The following ATXN7 variants were observed in gnomAD, a reference collection of about 807,000 sequenced individuals.
ATXN7 encodes the protein ataxin-7.
A neutral mutation model predicts 70.5 loss-of-function variants in ATXN7; 12 were observed. That is an observed-to-expected ratio of 0.17 (90% CI 0.11 to 0.28). ATXN7 has a LOEUF of 0.28. Among genes scored for constraint, ATXN7 ranks in the 10% least tolerant of loss-of-function variants. The probability of loss-of-function intolerance (pLI) is 1.00; values close to 1 mark genes in which losing one functional copy is unlikely to be tolerated. For synonymous variants in ATXN7, 498 were observed against 448.7 expected (o/e 1.11, Z -1.39); for missense variants, 1,256 against 1,131.7 (o/e 1.11, Z -1.58).
At chr3:63,960,242 A>G (rs780908224) in intron 5 of ATXN7, among the ~76,000 whole-genome samples, 1 of 152,194 alleles carries the variant, frequency 6.6e-6, no homozygotes, top group Non-Finnish European at 1.5e-5. Flanking sequence ...GTCTTGGCAG[A>G]AAGGCCAGTG....
At chr3:63,967,976 G>A (rs1478340566) in intron 5 of ATXN7, 1 of 1,535,344 alleles carries the variant, frequency 6.5e-7, no homozygotes, top group Non-Finnish European at 8.7e-7. Context: ...GCTCCACTGG[G>A]TAAGTTTTCT....
chr3:63,978,371 G>A (rs1040678125), intron 5 of ATXN7, among the ~76,000 whole-genome samples: 5 of 152,184 alleles, frequency 3.3e-5, no homozygotes, highest in African/African-American at 1.2e-4. Context: ...TACAGAGAAA[G>A]ACAATGGAGA....
At position 63,912,857 on chromosome 3, in the gene ATXN7, C is replaced by A; in HGVS notation, c.259C>A (p.Pro87Thr). ...CGGGGAGCGCAGGCCTCTGCCCAGT[C>A]CTGAAGTGATGCTGGGACAGTCGTG... is the stretch of plus-strand genomic sequence containing the variant. Reference protein sequence around the residue: ...TVGERRPLPSPEVMLGQSWNL... With the variant: ...TVGERRPLPSTEVMLGQSWNL... Residue 87 changes from proline (P) to threonine (T), a missense_variant, in exon 3 of 13, where the codon CCT becomes ACT. Transcript: ENST00000674280. 1.2e-6 allele frequency: 2 copies of A among 1,613,268 alleles called. No homozygotes were observed. Among genetic ancestry groups the A allele is most frequent in the Non-Finnish European group, 8.5e-7 (1 of 1,179,700 alleles).
At chr3:63,922,553 C>T (rs999952944) in intron 4 of ATXN7, among the ~76,000 whole-genome samples, 1 of 151,970 alleles carries the variant, frequency 6.6e-6, no homozygotes, top group Non-Finnish European at 1.5e-5. Flanking sequence ...TTTCAAACCC[C>T]CTTTTTTCTG....
chr3:63,872,511 C>T (rs867838016), intron 1 of ATXN7, among the ~76,000 whole-genome samples: 5 of 152,218 alleles, frequency 3.3e-5, no homozygotes, highest in Middle Eastern at 3.4e-3. Context: ...CACTTTGTTC[C>T]AGGAGGGTGA....
chr3:63,947,702 C>T (rs184184969), intron 4 of ATXN7, among the ~76,000 whole-genome samples: 68 of 152,308 alleles, frequency 4.5e-4, no homozygotes, highest in Non-Finnish European at 2.9e-4. Context: ...AGCCACTCTG[C>T]TTAAAATGCC....
intron 5 of ATXN7, among the ~76,000 whole-genome samples, chr3:63,956,699 A>G (rs1240352773): frequency 6.6e-6 from 1 of 152,038 alleles, no homozygotes; most frequent in East Asian, 1.9e-4. Context: ...GATACAGTCC[A>G]CTCTGGTGGA....
chr3:63,869,569 C>T (rs1232183919), intron 1 of ATXN7, among the ~76,000 whole-genome samples: 1 of 152,098 alleles, frequency 6.6e-6, no homozygotes, highest in Non-Finnish European at 1.5e-5. Flanking sequence ...GGATTACAGG[C>T]ATGTGCCACT....
At chr3:63,980,730 C>T (rs1350574264) in intron 6 of ATXN7, 2 of 154,170 alleles carry the variant, frequency 1.3e-5, no homozygotes, top group Non-Finnish European at 2.9e-5. Context: ...TGGATACTGG[C>T]ACTCCTGCTA....
At chr3:63,998,059 T>G in intron 12 of ATXN7, 1 of 985,344 alleles carries the variant, frequency 1.0e-6, no homozygotes, top group Non-Finnish European at 1.2e-6. Flanking sequence ...CAACGCACCG[T>G]CTTTGAGAGA....
intron 4 of ATXN7, among the ~76,000 whole-genome samples, chr3:63,927,171 A>G (rs1704751448): frequency 6.6e-6 from 1 of 152,184 alleles, no homozygotes; most frequent in Non-Finnish European, 1.5e-5. Context: ...TACTTTGGGT[A>G]TATACCTAGT....
intron 4 of ATXN7, among the ~76,000 whole-genome samples, chr3:63,928,967 T>A (rs1284608906): frequency 6.6e-6 from 1 of 152,156 alleles, no homozygotes; most frequent in Non-Finnish European, 1.5e-5. Flanking sequence ...CTAAAACCTT[T>A]GCGAGGCTTG....
chr3:63,876,890 G>A (rs1702761732), intron 1 of ATXN7, among the ~76,000 whole-genome samples: 2 of 152,194 alleles, frequency 1.3e-5, no homozygotes, highest in Non-Finnish European at 2.9e-5. Flanking sequence ...TTCTTACAGA[G>A]AGAAATAGTT....
At chr3:63,865,377 C>T (rs1371677153) in intron 1 of ATXN7, 1 of 152,136 alleles carries the variant, frequency 6.6e-6, no homozygotes, top group African/African-American at 2.4e-5. Context: ...CTTGCTCTCC[C>T]CTAAGGTATG....
At chr3:63,979,239 G>T (rs982918461) in intron 5 of ATXN7, among the ~76,000 whole-genome samples, 2 of 152,030 alleles carry the variant, frequency 1.3e-5, no homozygotes, top group Non-Finnish European at 2.9e-5. Context: ...GCTATTTGTG[G>T]TATTTTTGTC....
intron 2 of ATXN7, 95 bp from the exon 3 acceptor site, chr3:63,912,493 G>C (rs1189167651): frequency 4.8e-6 from 4 of 840,236 alleles, no homozygotes; most frequent in African/African-American, 1.9e-5. Flanking sequence ...GCCCCACCCG[G>C]TCCGCGGGCC....
At chr3:63,992,245 A>G (rs574092559) in intron 11 of ATXN7, among the ~76,000 whole-genome samples, 1 of 152,308 alleles carries the variant, frequency 6.6e-6, no homozygotes, top group African/African-American at 2.4e-5. Flanking sequence ...TTTCCTTAGA[A>G]CACCAGATTC....
At chr3:63,894,484 A>G (rs1346472857) in intron 1 of ATXN7, among the ~76,000 whole-genome samples, 2 of 152,214 alleles carry the variant, frequency 1.3e-5, no homozygotes, top group Admixed American at 6.5e-5. Flanking sequence ...TGCCAATTCT[A>G]GTGCCAGACA....
chr3:63,915,271 T>C lies in ATXN7; in HGVS notation c.394+2046T>C, dbSNP rs145143039. ...TTTAAGGGTTCCCCTCCTCCCCCTTTTAAAGTTGTTCTAACCATTTAGAGG... is the reference window on the plus strand; with the variant it reads ...TTTAAGGGTTCCCCTCCTCCCCCTTCTAAAGTTGTTCTAACCATTTAGAGG... On this transcript the variant is annotated intron_variant, in intron 4 of 12. Transcript: ENST00000674280. Among the ~76,000 whole-genome samples, 304 of 152,252 alleles carry C rather than the reference T, an allele frequency of 2.0e-3. 1 individual carries two copies. The highest frequency in any genetic ancestry group is 7.0e-3 in the African/African-American group (290 of 41,544).
Sources: allele counts gnomAD v4.1 joint callset (sites outside exome capture counted in the v4.1 genomes callset), GRCh38; gene constraint gnomAD v4.1.1; transcripts MANE v1.5; gene names NCBI Gene and HGNC (gene_info 2026-07-23, HGNC 2026-07-21).